Variants in NMNAT2 observed in about 807,000 individuals in gnomAD.
The protein encoded by NMNAT2 is nicotinamide/nicotinic acid mononucleotide adenylyltransferase 2.
Under a neutral mutation model 41.6 loss-of-function variants are expected in NMNAT2, and 11 were observed. The ratio of observed to expected loss-of-function variants is 0.26; its 90% CI spans 0.17 to 0.44. NMNAT2 has a LOEUF of 0.44. Among genes scored for constraint, NMNAT2 ranks in the 20% least tolerant of loss-of-function variants. The pLI is 1.00. For synonymous variants in NMNAT2, 148 were observed against 151.2 expected, an observed-to-expected ratio of 0.98 and a Z score of 0.16; for missense variants, 288 against 407.7, an observed-to-expected ratio of 0.71 and a Z score of 2.53.
At chr1:183,292,760 C>G (rs1239131427) in intron 3 of NMNAT2, 30 bp downstream of exon 3, 1 of 1,606,194 alleles carries the variant, frequency 6.2e-7, no homozygotes, top group Admixed American at 1.7e-5. Flanking sequence ...CTCCGGGCCA[C>G]TGCCTCTGGC....
At position 183,415,353 on chromosome 1, in the gene NMNAT2, A is replaced by G. The variant is rs1290495983; in HGVS notation, c.85+2830T>C. ...AGAGAAAATTTTTAAAGCAATTTAA[A>G]AGGAGGAAATAGTTCATAAATAACT... On this transcript the variant is annotated intron_variant, in intron 1 of 10. Coordinates refer to ENST00000287713, the MANE Select transcript of NMNAT2 (RefSeq NM_015039.4). 6.6e-5 allele frequency among the ~76,000 whole-genome samples: 10 copies of G among 152,364 alleles called. No individual in the cohort carries two copies. In the East Asian group the frequency reaches 1.2e-3, roughly 18 times the overall value.
chr1:183,317,642 G>A (rs10911305), intron 1 of NMNAT2, among the ~76,000 whole-genome samples: 67,331 of 151,948 alleles, frequency 0.44, 16,116 homozygotes, highest in East Asian at 0.81. Flanking sequence ...CCTCTTGCCA[G>A]TCTTTGGAAG....
chr1:183,322,956 G>A (rs1340561754), intron 1 of NMNAT2, among the ~76,000 whole-genome samples: 3 of 152,068 alleles, frequency 2.0e-5, no homozygotes, highest in African/African-American at 7.2e-5. Context: ...TCTTTAGATG[G>A]AGTCTTGCTC....
chr1:183,311,863 C>T (rs963235632), intron 1 of NMNAT2, among the ~76,000 whole-genome samples: 1 of 151,892 alleles, frequency 6.6e-6, no homozygotes, highest in Non-Finnish European at 1.5e-5. Context: ...GGGAGGGACT[C>T]GGTGGGAGGT....
At position 183,278,042 on chromosome 1, in the gene NMNAT2, G is replaced by A. The variant is rs143896239; in HGVS notation, c.651+511C>T. 8.3e-3 allele frequency among the ~76,000 whole-genome samples: 1,259 copies of A among 152,280 alleles called. 24 individuals are homozygous for A. Among genetic ancestry groups the A allele is most frequent in the African/African-American group, 0.028 (1,158 of 41,550 alleles). ...ATCTGGCAACAAAAGGTGTCATTGA[G>A]CTCCTAAGTGGTGTAAGTTTAACCT... On this transcript the variant is annotated intron_variant, in intron 8 of 10. Coordinates refer to ENST00000287713, the MANE Select transcript of NMNAT2 (RefSeq NM_015039.4).
At chr1:183,364,775 T>A (rs554280458) in intron 1 of NMNAT2, among the ~76,000 whole-genome samples, 1 of 152,138 alleles carries the variant, frequency 6.6e-6, no homozygotes, top group South Asian at 2.1e-4. Context: ...CACTGCAACC[T>A]CCACTTCCCA....
At chr1:183,367,995 C>G (rs1470272160) in intron 1 of NMNAT2, among the ~76,000 whole-genome samples, 1 of 152,048 alleles carries the variant, frequency 6.6e-6, no homozygotes, top group Non-Finnish European at 1.5e-5. Flanking sequence ...CATCTAGAAA[C>G]TTCTGTAGTG....
At chr1:183,320,149 A>C (rs1288671075) in intron 1 of NMNAT2, among the ~76,000 whole-genome samples, 1 of 152,242 alleles carries the variant, frequency 6.6e-6, no homozygotes, top group African/African-American at 2.4e-5. Flanking sequence ...CAAGATGAGA[A>C]TCTTCTGGGC....
Position 183,252,442 on chromosome 1 carries a change from C to A in NMNAT2, c.*199G>T. 1 of 442,812 alleles carries A rather than the reference C, an allele frequency of 2.3e-6. No individual in the cohort carries two copies. The highest frequency in any genetic ancestry group is 4.3e-6 in the Non-Finnish European group (1 of 234,462). The allele number at this position is 442,812 out of a possible 1,614,324, so 27.4% of individuals were successfully genotyped here. On this transcript the variant is annotated 3_prime_UTR_variant, in exon 11 of 11. Transcript: ENST00000287713. ...CCCTCACCCACCCCCAACCCGGAGA[C>A]TAGAGGAAAGTCTGTCCAAAGATGA...
chr1:183,254,216 G>T (rs948335141), intron 10 of NMNAT2, among the ~76,000 whole-genome samples: 1 of 152,024 alleles, frequency 6.6e-6, no homozygotes, highest in African/African-American at 2.4e-5. Flanking sequence ...AGTGTACAAG[G>T]GTTCCCTTTC....
intron 1 of NMNAT2, among the ~76,000 whole-genome samples, chr1:183,382,897 C>T (rs948046050): frequency 2.6e-5 from 4 of 152,146 alleles, no homozygotes; most frequent in African/African-American, 9.7e-5. Context: ...AGGATGGTGG[C>T]TGTCTTCTCA....
chr1:183,376,199 T>C (rs1663675220), intron 1 of NMNAT2, among the ~76,000 whole-genome samples: 1 of 152,210 alleles, frequency 6.6e-6, no homozygotes, highest in Admixed American at 6.5e-5. Context: ...AAATTAATGG[T>C]ATTAATAATT....
At chr1:183,384,143 G>C (rs191930499) in intron 1 of NMNAT2, among the ~76,000 whole-genome samples, 1 of 151,022 alleles carries the variant, frequency 6.6e-6, no homozygotes, top group East Asian at 1.9e-4. Context: ...GGGAAGCAAG[G>C]CACCTCTTAT....
intron 1 of NMNAT2, among the ~76,000 whole-genome samples, chr1:183,300,667 A>G (rs1661825656): frequency 6.6e-6 from 1 of 152,238 alleles, no homozygotes; most frequent in Admixed American, 6.5e-5. Flanking sequence ...AACTTCCTGC[A>G]AATCTATAGT....
intron 1 of NMNAT2, among the ~76,000 whole-genome samples, chr1:183,344,926 A>G (rs2102347910): frequency 6.6e-6 from 1 of 152,262 alleles, no homozygotes; most frequent in South Asian, 2.1e-4. Context: ...TCCGGGGGCC[A>G]ATTCCCCAGC....
chr1:183,378,993 C>T (rs931272461), intron 1 of NMNAT2, among the ~76,000 whole-genome samples: 2 of 151,488 alleles, frequency 1.3e-5, no homozygotes, highest in Admixed American at 1.3e-4. Flanking sequence ...TGAGTGATCT[C>T]AATCACACCA....
At position 183,309,355 on chromosome 1, in the gene NMNAT2, T is replaced by G. The variant is rs978371180; in HGVS notation, c.86-15562A>C. Among the ~76,000 whole-genome samples, 3 of 152,096 alleles carry G rather than the reference T, an allele frequency of 2.0e-5. No individual in the cohort carries two copies. The East Asian group carries it at 5.8e-4, about 29-fold the overall frequency. On this transcript the variant is annotated intron_variant, in intron 1 of 10. Transcript: ENST00000287713. ...GAGTTACATTTCAGAGATTGGCTGT[T>G]GGGCGGAAAATAAATTTAGTGGAGC...
At chr1:183,288,778 C>T (rs1199393880) in intron 4 of NMNAT2, among the ~76,000 whole-genome samples, 5 of 152,220 alleles carry the variant, frequency 3.3e-5, no homozygotes, top group Admixed American at 6.5e-5. Context: ...CACCACAGCA[C>T]GTCTTTGCCT....
intron 1 of NMNAT2, among the ~76,000 whole-genome samples, chr1:183,403,897 A>G (rs1648884592): frequency 6.6e-6 from 1 of 152,226 alleles, no homozygotes; most frequent in Admixed American, 6.5e-5. Context: ...AGAAGCCAAG[A>G]ATTCAAATGC....
Sources: allele counts gnomAD v4.1 joint callset (sites outside exome capture counted in the v4.1 genomes callset), GRCh38; gene constraint gnomAD v4.1.1; transcripts MANE v1.5; gene names NCBI Gene and HGNC (gene_info 2026-07-23, HGNC 2026-07-21).